MAF1: variants seen among roughly 807,000 people sequenced by gnomAD.
MAF1 encodes the protein MAF1 negative regulator of RNA polymerase III.
In MAF1, 7 loss-of-function variants were observed where a neutral mutation model predicts 31.9. The observed-to-expected ratio is 0.22, with a 90% confidence interval of 0.12 to 0.41. The LOEUF (loss-of-function observed/expected upper bound fraction) is 0.41. Among genes scored for constraint, MAF1 ranks in the 10% least tolerant of loss-of-function variants. The probability of loss-of-function intolerance (pLI) is 1.00; values close to 1 mark genes in which losing one functional copy is unlikely to be tolerated. For missense variants in MAF1, 221 were observed against 323.1 expected (o/e 0.68, Z 2.42); for synonymous variants, 157 against 120.0 (o/e 1.31, Z -2.02).
rs971627868 is a variant in MAF1 at position 144,104,664 on chromosome 8, A to C, written c.-239A>C. On this transcript the variant is annotated 5_prime_UTR_variant, in exon 1 of 8. Transcript: ENST00000322428. Reference sequence around the variant, plus strand: ...GCCCGGATGGGCCGGCAGGGCCGGGAGTAACGGGACGTCGCCGCGGAGCTT... The same window carrying C: ...GCCCGGATGGGCCGGCAGGGCCGGGCGTAACGGGACGTCGCCGCGGAGCTT... 4 of 152,128 alleles carry C rather than the reference A, an allele frequency of 2.6e-5. No homozygotes were observed. Among genetic ancestry groups the C allele is most frequent in the Non-Finnish European group, 4.4e-5 (3 of 68,040 alleles). The allele number at this position is 152,128 out of a possible 1,614,324, so 9.4% of individuals were successfully genotyped here. A position where few individuals can be genotyped will look rare whatever the true frequency, so the allele number is the denominator to read the frequency against.
At position 144,106,946 on chromosome 8, in the gene MAF1, C is replaced by G. The variant is rs747387473; in HGVS notation, c.732C>G (p.Ser244Arg). 1 of 1,522,694 alleles carries G rather than the reference C, an allele frequency of 6.6e-7. No homozygotes were observed. The highest frequency in any genetic ancestry group is 2.2e-5 in the Admixed American group (1 of 45,994). 94.3% of individuals were successfully genotyped at this position (1,522,694 alleles called of 1,614,324 possible). ...GGGGCAGTGGGGCCGAGGAGACCAG[C>G]ACCATGGAGGAGGACAGGTGTGTGA... Reference protein sequence around the residue: ...RSGGSGAEETSTMEEDRVPVI... With the variant: ...RSGGSGAEETRTMEEDRVPVI... The change falls in exon 7 of 8, where the codon AGC becomes AGG. Residue 244 changes from serine (S) to arginine (R), a missense_variant. By Grantham distance (110) the Ser-to-Arg change is moderately radical. Around this residue, in one of 2 missense-constraint regions of MAF1, gnomAD observed 75 missense variants for 60.1 expected, o/e 1.25. Transcript: ENST00000322428.
At chr8:144,105,489 G>T (rs1329853919) in intron 1 of MAF1, 151 bp from the exon 2 acceptor site, 1 of 601,138 alleles carries the variant, frequency 1.7e-6, no homozygotes, top group East Asian at 2.8e-5. Context: ...CACCTCTCCT[G>T]GCCGGGCAGA....
chr8:144,106,908 G>A lies in MAF1; in HGVS notation c.694G>A (p.Glu232Lys). The change falls in exon 7 of 8, where the codon GAA becomes AAA. Residue 232 changes from glutamate to lysine, a missense_variant. Glu to Lys is a moderately conservative substitution (Grantham distance 56). Around this residue, in one of 2 missense-constraint regions of MAF1, gnomAD observed 75 missense variants for 60.1 expected, o/e 1.25. Transcript: ENST00000322428. ...GCTGGGGGAGGAGGAGGTGGAGGAAGAAAGCAGAAGCGGGGGCAGTGGGGC... is the reference window on the plus strand; with the variant it reads ...GCTGGGGGAGGAGGAGGTGGAGGAAAAAAGCAGAAGCGGGGGCAGTGGGGC... ...MELGEEEVEE[E>K]SRSGGSGAEE... is the part of the protein sequence containing the mutation. The A allele has an allele frequency of 3.9e-6, 6 of 1,528,166 alleles. 1 individual carries two copies. The South Asian group carries it at 6.5e-5, about 17-fold the overall frequency. The allele number at this position is 1,528,166 out of a possible 1,614,324, so 94.7% of individuals were successfully genotyped here.
At chr8:144,106,019 C>T in intron 3 of MAF1, 22 bp downstream of exon 3, 3 of 1,613,412 alleles carry the variant, frequency 1.9e-6, no homozygotes, top group Non-Finnish European at 2.5e-6. Context: ...TGGGGCCTAC[C>T]TGGGGCTGGG....
In MAF1 at chr8:144,107,513, C is replaced by G; in HGVS notation, c.*404C>G. Reference sequence around the variant, plus strand: ...ACCGGCTCTGGTCTTGGGCCGGCCCCGGTGCCCACCTGTACCCCCACCTCG... The same window carrying G: ...ACCGGCTCTGGTCTTGGGCCGGCCCGGGTGCCCACCTGTACCCCCACCTCG... On this transcript the variant is annotated 3_prime_UTR_variant, in exon 8 of 8. Coordinates refer to ENST00000322428, the MANE Select transcript of MAF1 (RefSeq NM_032272.5). 5.0e-6 allele frequency: 3 copies of G among 596,140 alleles called. No homozygotes were observed. The East Asian group carries it at 8.4e-5, about 17-fold the overall frequency. The allele number at this position is 596,140 out of a possible 1,614,324, so 36.9% of individuals were successfully genotyped here. A position where few individuals can be genotyped will look rare whatever the true frequency, so the allele number is the denominator to read the frequency against.
In MAF1 at chr8:144,106,325, G is replaced by A. The variant is rs748266484; in HGVS notation, c.379-18G>A. 5.6e-6 allele frequency: 9 copies of A among 1,613,066 alleles called. No homozygotes were observed. The highest frequency in any genetic ancestry group is 5.5e-5 in the South Asian group (5 of 91,062). ...GGTAGCCCTGGGCTCCTGTCACCCT[G>A]ACTGTGACCTGCCCTAGGTGGTGAA... On this transcript the variant is annotated intron_variant, in intron 4 of 7. Transcript: ENST00000322428.
rs201065623 is a variant in MAF1 at position 144,106,687 on chromosome 8, C to T, written c.620+13C>T. 23 of 1,609,456 alleles carry T rather than the reference C, an allele frequency of 1.4e-5. No individual in the cohort carries two copies. Among genetic ancestry groups the T allele is most frequent in the Middle Eastern group, 1.7e-4 (1 of 6,032 alleles). ...GCCGTTCCATCAGGTGGGCACCCCC[C>T]GCCTCCTCCCCCACCTCCCTGTTGG... On this transcript the variant is annotated intron_variant, in intron 6 of 7. Transcript: ENST00000322428.
rs73381311 is a variant in MAF1 at position 144,107,382 on chromosome 8, C to T, written c.*273C>T. 1.7e-6 allele frequency: 1 copy of T among 596,058 alleles called. No individual in the cohort carries two copies. Among genetic ancestry groups the T allele is most frequent in the Admixed American group, 3.0e-5 (1 of 33,764 alleles). 36.9% of individuals were successfully genotyped at this position (596,058 alleles called of 1,614,324 possible). A position where few individuals can be genotyped will look rare whatever the true frequency, so the allele number is the denominator to read the frequency against. On this transcript the variant is annotated 3_prime_UTR_variant, in exon 8 of 8. Coordinates refer to ENST00000322428, the MANE Select transcript of MAF1 (RefSeq NM_032272.5). The stretch of plus-strand genomic sequence containing the variant: ...GCCCTGCCCAAATGAACTGCCACAG[C>T]AGGGACAGCTGGACCGCAGAGTTTA...
Position 144,104,706 on chromosome 8 carries a change from T to C in MAF1, c.-197T>C, listed in dbSNP as rs1364083404. 1.3e-5 allele frequency: 2 copies of C among 152,112 alleles called. No individual in the cohort carries two copies. Among genetic ancestry groups the C allele is most frequent in the South Asian group, 2.1e-4 (1 of 4,834 alleles). The allele number at this position is 152,112 out of a possible 1,614,324, so 9.4% of individuals were successfully genotyped here. On this transcript the variant is annotated 5_prime_UTR_variant, in exon 1 of 8. Coordinates refer to ENST00000322428, the MANE Select transcript of MAF1 (RefSeq NM_032272.5). ...GCGGAGCTTCTTCCCCCGGATACAG[T>C]GCGGCCCGAGCGGAGGCCGCGGCGC...
Position 144,104,608 on chromosome 8 carries a change from T to G in MAF1, c.-295T>G, listed in dbSNP as rs1398316810. On this transcript the variant is annotated 5_prime_UTR_variant, in exon 1 of 8. Transcript: ENST00000322428. ...AGGTCGGTCGCGAGAGCGGGCTCTG[T>G]GGAAGGGGGCGAGGCTATGTCGCGG... 6.6e-6 allele frequency: 1 copy of G among 151,498 alleles called. No homozygotes were observed. Among genetic ancestry groups the G allele is most frequent in the Non-Finnish European group, 1.5e-5 (1 of 67,824 alleles). 9.4% of individuals were successfully genotyped at this position (151,498 alleles called of 1,614,324 possible). A position where few individuals can be genotyped will look rare whatever the true frequency, so the allele number is the denominator to read the frequency against.
At position 144,107,263 on chromosome 8, in the gene MAF1, G is replaced by T; in HGVS notation, c.*154G>T. ...AAGGCCATACCTGCCTAGCCCTTTGGCTCCATCCTGTGGATGCCCACTCAC... is the reference window on the plus strand; with the variant it reads ...AAGGCCATACCTGCCTAGCCCTTTGTCTCCATCCTGTGGATGCCCACTCAC... On this transcript the variant is annotated 3_prime_UTR_variant, in exon 8 of 8. Coordinates refer to ENST00000322428, the MANE Select transcript of MAF1 (RefSeq NM_032272.5). 1 of 996,076 alleles carries T rather than the reference G, an allele frequency of 1.0e-6. No homozygotes were observed. The highest frequency in any genetic ancestry group is 2.2e-5 in the Admixed American group (1 of 45,746). The allele number at this position is 996,076 out of a possible 1,614,324, so 61.7% of individuals were successfully genotyped here.
chr8:144,104,550 G>C lies in MAF1; in HGVS notation c.-353G>C, dbSNP rs1382556739. 3.3e-5 allele frequency: 5 copies of C among 152,184 alleles called. No individual in the cohort carries two copies. The highest frequency in any genetic ancestry group is 7.2e-5 in the African/African-American group (3 of 41,440). The allele number at this position is 152,184 out of a possible 1,614,324, so 9.4% of individuals were successfully genotyped here. A position where few individuals can be genotyped will look rare whatever the true frequency, so the allele number is the denominator to read the frequency against. ...CGCTCGCTCGCTCGCTCGGCTCGCT[G>C]ACTCGCCGGAGCGCTCTGTGGCGGT... On this transcript the variant is annotated 5_prime_UTR_variant, in exon 1 of 8. Transcript: ENST00000322428.
intron 5 of MAF1, 24 bp downstream of exon 5, chr8:144,106,488 G>A: frequency 1.2e-6 from 2 of 1,613,804 alleles, no homozygotes; most frequent in African/African-American, 1.3e-5. Context: ...CCTGCAGATG[G>A]CCTCCAGGCC....
chr8:144,106,502 A>G (rs1279598213), intron 5 of MAF1, 38 bp downstream of exon 5: 10 of 1,613,786 alleles, frequency 6.2e-6, no homozygotes. Flanking sequence ...CCAGGCCTCC[A>G]GGTTTGTGGG....
intron 6 of MAF1, 25 bp downstream of exon 6, chr8:144,106,699 C>A: frequency 6.2e-7 from 1 of 1,606,732 alleles, no homozygotes; most frequent in Non-Finnish European, 8.5e-7. Flanking sequence ...CCTCCTCCCC[C>A]ACCTCCCTGT....
At position 144,104,615 on chromosome 8, in the gene MAF1, G is replaced by T. The variant is rs961911706; in HGVS notation, c.-288G>T. 1.3e-5 allele frequency: 2 copies of T among 152,324 alleles called. No homozygotes were observed. The highest frequency in any genetic ancestry group is 4.8e-5 in the African/African-American group (2 of 41,466). The allele number at this position is 152,324 out of a possible 1,614,324, so 9.4% of individuals were successfully genotyped here. ...TCGCGAGAGCGGGCTCTGTGGAAGG[G>T]GGCGAGGCTATGTCGCGGTGGCAGC... is the stretch of plus-strand genomic sequence containing the variant. On this transcript the variant is annotated 5_prime_UTR_variant, in exon 1 of 8. Coordinates refer to ENST00000322428, the MANE Select transcript of MAF1 (RefSeq NM_032272.5).
In MAF1 at chr8:144,106,878, A is replaced by G. The variant is rs1257455261; in HGVS notation, c.664A>G (p.Met222Val). The G allele has an allele frequency of 3.3e-6, 5 of 1,532,564 alleles. No homozygotes were observed. In the African/African-American group the frequency reaches 4.2e-5, roughly 13 times the overall value. The allele number at this position is 1,532,564 out of a possible 1,614,324, so 94.9% of individuals were successfully genotyped here. A position where few individuals can be genotyped will look rare whatever the true frequency, so the allele number is the denominator to read the frequency against. ...CTCAGAGGCAGGCAACGAGCTGGAC[A>G]TGGAGCTGGGGGAGGAGGAGGTGGA... ...TPSEAGNELDMELGEEEVEEE... is the reference protein window; with the variant it reads ...TPSEAGNELDVELGEEEVEEE... Residue 222 changes from methionine (M) to valine (V), a missense_variant, in exon 7 of 8, where the codon ATG becomes GTG. Coordinates refer to ENST00000322428, the MANE Select transcript of MAF1 (RefSeq NM_032272.5).
Position 144,106,445 on chromosome 8 carries a change from G to A in MAF1, c.481G>A (p.Ala161Thr), listed in dbSNP as rs1217136865. The A allele has an allele frequency of 6.8e-6, 11 of 1,613,960 alleles. No individual in the cohort carries two copies. The highest frequency in any genetic ancestry group is 9.3e-6 in the Non-Finnish European group (11 of 1,180,012). Residue 161 changes from alanine (A) to threonine (T), a missense_variant, in exon 5 of 8, where the codon GCT (alanine) becomes ACT (threonine). This residue lies in a region of MAF1 where 146 missense variants were observed against 263.1 expected (regional missense o/e 0.56). Transcript: ENST00000322428. The stretch of plus-strand genomic sequence containing the variant: ...CGCGGTGGACGAGGAGATCTGCCTG[G>A]CTGAATGTGACATCTACAGGTGGGC... ...WNAVDEEICL[A>T]ECDIYSYNPD... is the part of the protein sequence containing the mutation.
Position 144,106,393 on chromosome 8 carries a change from C to T in MAF1, c.429C>T (p.Phe143=), listed in dbSNP as rs1032081113. The change falls in exon 5 of 8, where the codon TTC becomes TTT. Residue 143 remains phenylalanine, a synonymous_variant. Coordinates refer to ENST00000322428, the MANE Select transcript of MAF1 (RefSeq NM_032272.5). ...TGTTCTCAGCTGTGCGGGAGGACTT[C>T]AAGGATCTGAAACCACAGCTGTGGA... ...CSLFSAVRED[F]KDLKPQLWNA... 2 of 1,613,970 alleles carry T rather than the reference C, an allele frequency of 1.2e-6. No individual in the cohort carries two copies. The highest frequency in any genetic ancestry group is 1.7e-6 in the Non-Finnish European group (2 of 1,180,030).
Sources: allele counts gnomAD v4.1 joint callset, GRCh38; gene constraint gnomAD v4.1.1; regional missense constraint gnomAD v4.1.1; transcripts MANE v1.5; gene names NCBI Gene and HGNC (gene_info 2026-07-23, HGNC 2026-07-21).